Variants in CDH13 observed in about 807,000 individuals in gnomAD.
CDH13 encodes the protein cadherin-13.
Under a neutral mutation model 63.8 loss-of-function variants are expected in CDH13, and 24 were observed. The ratio of observed to expected loss-of-function variants is 0.38; its 90% CI spans 0.27 to 0.53. The LOEUF (loss-of-function observed/expected upper bound fraction) is 0.53, where lower values mean the gene tolerates loss of function less well. CDH13 is among the 20% of genes least tolerant of loss of function. The probability of loss-of-function intolerance (pLI) is 0.85; values close to 1 mark genes in which losing one functional copy is unlikely to be tolerated. For synonymous variants in CDH13, 503 were observed against 355.3 expected (o/e 1.42, Z -4.67); for missense variants, 1,049 against 903.1 (o/e 1.16, Z -2.07).
chr16:83,464,506 C>G (rs562240855), intron 6 of CDH13, among the ~76,000 whole-genome samples: 2 of 152,246 alleles, frequency 1.3e-5, no homozygotes, highest in African/African-American at 2.4e-5. Context: ...GAGTGAAACT[C>G]AGTCTCAAAT....
At chr16:82,663,100 G>A (rs770310924) in intron 1 of CDH13, among the ~76,000 whole-genome samples, 22 of 152,310 alleles carry the variant, frequency 1.4e-4, no homozygotes, top group Non-Finnish European at 2.1e-4. Flanking sequence ...AGCCCTTATC[G>A]CCAGAGACTG....
At chr16:82,922,628 G>A (rs992456721) in intron 2 of CDH13, among the ~76,000 whole-genome samples, 1 of 152,154 alleles carries the variant, frequency 6.6e-6, no homozygotes, top group Non-Finnish European at 1.5e-5. Context: ...CTTATTTCCT[G>A]CTCTGGAGAG....
At chr16:82,781,779 T>C (rs567339655) in intron 1 of CDH13, among the ~76,000 whole-genome samples, 1 of 152,278 alleles carries the variant, frequency 6.6e-6, no homozygotes, top group African/African-American at 2.4e-5. Context: ...ACTGTAAGCA[T>C]TGGTAATAAA....
intron 1 of CDH13, among the ~76,000 whole-genome samples, chr16:82,699,040 T>C (rs2150987839): frequency 6.6e-6 from 1 of 152,354 alleles, no homozygotes; most frequent in African/African-American, 2.4e-5. Context: ...TGTTCATCCC[T>C]AGTTTAAGAA....
intron 10 of CDH13, among the ~76,000 whole-genome samples, chr16:83,734,727 T>TATAATAATA (rs61075767): frequency 0.068 from 9,578 of 141,758 alleles, 389 homozygotes; most frequent in East Asian, 0.17. Context: ...AAACTTAAAG[T>TATAATAATA]ATAATAATAA....
chr16:82,834,980 G>C (rs559241511), intron 1 of CDH13, among the ~76,000 whole-genome samples: 17 of 152,162 alleles, frequency 1.1e-4, no homozygotes, highest in Non-Finnish European at 2.1e-4. Flanking sequence ...GCTCAGGCCT[G>C]CTCTGGAGTC....
At chr16:83,025,674 C>G (rs562927197) in intron 2 of CDH13, among the ~76,000 whole-genome samples, 1 of 152,284 alleles carries the variant, frequency 6.6e-6, no homozygotes, top group Admixed American at 6.5e-5. Context: ...CTCCTACACA[C>G]AAGCCAGGAT....
chr16:83,032,820 G>A (rs1442641020), intron 3 of CDH13, among the ~76,000 whole-genome samples: 5 of 152,138 alleles, frequency 3.3e-5, no homozygotes, highest in African/African-American at 4.8e-5. Flanking sequence ...GACTGAGAGT[G>A]AAAGAAATGT....
intron 1 of CDH13, among the ~76,000 whole-genome samples, chr16:82,680,780 C>G (rs1300090571): frequency 1.3e-5 from 2 of 152,162 alleles, no homozygotes; most frequent in Non-Finnish European, 2.9e-5. Context: ...ATTACTACCT[C>G]TAGGCCTGAA....
At chr16:83,100,547 T>C (rs1158575271) in intron 3 of CDH13, among the ~76,000 whole-genome samples, 3 of 152,220 alleles carry the variant, frequency 2.0e-5, no homozygotes, top group Non-Finnish European at 4.4e-5. Flanking sequence ...CTGAACTCTA[T>C]TTGTGCTCCT....
At chr16:82,774,776 G>A (rs549813685) in intron 1 of CDH13, among the ~76,000 whole-genome samples, 3 of 152,134 alleles carry the variant, frequency 2.0e-5, no homozygotes, top group Non-Finnish European at 2.9e-5. Context: ...GCCTGTGAGC[G>A]GGTTTAATTC....
chr16:82,650,795 G>A (rs1249470085), intron 1 of CDH13, among the ~76,000 whole-genome samples: 2 of 152,196 alleles, frequency 1.3e-5, no homozygotes, highest in Non-Finnish European at 2.9e-5. Flanking sequence ...GATTGATTTT[G>A]CATAGTGTAG....
At chr16:83,167,157 G>A (rs2037713756) in intron 4 of CDH13, among the ~76,000 whole-genome samples, 1 of 151,028 alleles carries the variant, frequency 6.6e-6, no homozygotes, top group Non-Finnish European at 1.5e-5. Context: ...TTACTTTGTA[G>A]ACTTTGAGTC....
chr16:83,760,776 C>G (rs752663167), intron 11 of CDH13, among the ~76,000 whole-genome samples: 1 of 152,120 alleles, frequency 6.6e-6, no homozygotes, highest in Non-Finnish European at 1.5e-5. Flanking sequence ...TCAATAAGAA[C>G]CTAACAAAAA....
intron 2 of CDH13, among the ~76,000 whole-genome samples, chr16:82,863,864 A>G (rs1044921905): frequency 1.3e-5 from 2 of 149,792 alleles, no homozygotes; most frequent in African/African-American, 5.0e-5. Context: ...TAATTTTTTT[A>G]AATCCTAGAT....
chr16:83,479,902 A>AG (rs1206804164), intron 6 of CDH13, among the ~76,000 whole-genome samples: 1 of 152,198 alleles, frequency 6.6e-6, no homozygotes, highest in Non-Finnish European at 1.5e-5. Context: ...ATGGAGTGAG[A>AG]GGGTGTCAAG....
intron 1 of CDH13, among the ~76,000 whole-genome samples, chr16:82,719,935 G>T (rs2032657144): frequency 6.6e-6 from 1 of 151,534 alleles, no homozygotes; most frequent in South Asian, 2.1e-4. Flanking sequence ...GACTTTCAGG[G>T]AAATGAAATA....
intron 8 of CDH13, among the ~76,000 whole-genome samples, chr16:83,617,326 C>G (rs546451024): frequency 1.3e-5 from 2 of 152,208 alleles, no homozygotes; most frequent in African/African-American, 2.4e-5. Flanking sequence ...TACCTGTATA[C>G]CATTATATGC....
At chr16:83,285,028 T>A (rs2089273837) in intron 5 of CDH13, among the ~76,000 whole-genome samples, 1 of 152,152 alleles carries the variant, frequency 6.6e-6, no homozygotes, top group African/African-American at 2.4e-5. Flanking sequence ...AGACACCTTT[T>A]CTGCACCCAG....
Sources: allele counts gnomAD v4.1 joint callset (sites outside exome capture counted in the v4.1 genomes callset), GRCh38; gene constraint gnomAD v4.1.1; transcripts MANE v1.5; gene names NCBI Gene and HGNC (gene_info 2026-07-23, HGNC 2026-07-21).